Variants in RAPGEF5 observed in about 807,000 individuals in gnomAD.
RAPGEF5 encodes the protein Rap guanine nucleotide exchange factor 5.
RAPGEF5 carries 65 observed loss-of-function variants against 125.2 expected under a neutral mutation model. That is an observed-to-expected ratio of 0.52 (90% confidence interval 0.43 to 0.64). The LOEUF is 0.64. Among genes scored for constraint, RAPGEF5 ranks in the 30% least tolerant of loss-of-function variants. RAPGEF5 has a pLI of 0.00. For synonymous variants in RAPGEF5, 391 were observed against 385.9 expected (o/e 1.01, Z -0.16); for missense variants, 958 against 1,048.1 (o/e 0.91, Z 1.19).
intron 7 of RAPGEF5, among the ~76,000 whole-genome samples, chr7:22,239,187 G>A (rs1562776949): frequency 6.6e-6 from 1 of 152,128 alleles, no homozygotes; most frequent in Non-Finnish European, 1.5e-5. Flanking sequence ...CTGGGAGAGT[G>A]GAGGCAGGAG....
At chr7:22,193,687 C>T in intron 10 of RAPGEF5, 1 of 1,551,024 alleles carries the variant, frequency 6.4e-7, no homozygotes, top group Non-Finnish European at 8.7e-7. Context: ...ACAAAGGCAT[C>T]CCCTAAATGC....
intron 20 of RAPGEF5, among the ~76,000 whole-genome samples, chr7:22,140,587 T>C (rs770601687): frequency 7.9e-5 from 12 of 152,186 alleles, no homozygotes; most frequent in Non-Finnish European, 1.5e-4. Context: ...ACCAACAAAA[T>C]AGCTACTATA....
Position 22,118,687 on chromosome 7 carries a change from C to T in RAPGEF5, c.*3719G>A, listed in dbSNP as rs1782475894. 6.6e-6 allele frequency: 1 copy of T among 152,606 alleles called. No individual in the cohort carries two copies. Among genetic ancestry groups the T allele is most frequent in the Non-Finnish European group, 1.5e-5 (1 of 68,032 alleles). 9.5% of individuals were successfully genotyped at this position (152,606 alleles called of 1,614,324 possible). On this transcript the variant is annotated 3_prime_UTR_variant, in exon 26 of 26. Coordinates refer to ENST00000665637, the MANE Select transcript of RAPGEF5 (RefSeq NM_012294.5). ...TTAATGCAAGCTGACAATATCACAG[C>T]AGCCCTAATTAATGATACATTAAAA...
rs116360417 is a variant in RAPGEF5 at position 22,293,277 on chromosome 7, G to T, written c.681-2036C>A. On this transcript the variant is annotated intron_variant, in intron 5 of 25. Coordinates refer to ENST00000665637, the MANE Select transcript of RAPGEF5 (RefSeq NM_012294.5). The stretch of plus-strand genomic sequence containing the variant: ...CCAGGAACTTTATTTTCACCCACAT[G>T]GGTACCTTACAGGCTAACTCAACCT... Among the ~76,000 whole-genome samples, 1,420 of 152,192 alleles carry T rather than the reference G, an allele frequency of 9.3e-3. 36 individuals carry two copies. Among genetic ancestry groups the T allele is most frequent in the African/African-American group, 0.033 (1,355 of 41,510 alleles).
At chr7:22,354,894 T>G (rs1784393662) in intron 1 of RAPGEF5, among the ~76,000 whole-genome samples, 1 of 152,224 alleles carries the variant, frequency 6.6e-6, no homozygotes, top group African/African-American at 2.4e-5. Flanking sequence ...TCTACGGTAT[T>G]TTGTTATGAC....
At position 22,266,969 on chromosome 7, in the gene RAPGEF5, T is replaced by C; in HGVS notation, c.791A>G (p.Lys264Arg). The C allele has an allele frequency of 1.2e-6, 2 of 1,609,776 alleles. No individual in the cohort carries two copies. Among genetic ancestry groups the C allele is most frequent in the East Asian group, 4.5e-5 (2 of 44,790 alleles). The change falls in exon 7 of 26, where the codon AAG becomes AGG. Residue 264 changes from lysine to arginine, a missense_variant. Lys to Arg is a conservative substitution (Grantham distance 26). Coordinates refer to ENST00000665637, the MANE Select transcript of RAPGEF5 (RefSeq NM_012294.5). ...CCCCATAAAAGATGACTTACCAGAC[T>C]TCCTTGCTTTCAAAGCAATAACAGC... Reference protein sequence around the residue: ...LAAVIALKARKSAIEQDEENN... With the variant: ...LAAVIALKARRSAIEQDEENN...
At chr7:22,344,237 A>C (rs1343040100) in intron 1 of RAPGEF5, among the ~76,000 whole-genome samples, 1 of 152,042 alleles carries the variant, frequency 6.6e-6, no homozygotes. Context: ...CACCATGGCT[A>C]CACCTCCCAC....
chr7:22,290,699 C>T (rs577969673), intron 6 of RAPGEF5, among the ~76,000 whole-genome samples: 1 of 149,446 alleles, frequency 6.7e-6, no homozygotes, highest in East Asian at 2.0e-4. Context: ...GAGCCGAGAT[C>T]CCGCCGCTGC....
chr7:22,212,122 C>T (rs768416129), intron 9 of RAPGEF5, among the ~76,000 whole-genome samples: 4 of 152,048 alleles, frequency 2.6e-5, no homozygotes, highest in African/African-American at 7.2e-5. Flanking sequence ...TATAGGCACC[C>T]GCCAGCATGC....
intron 1 of RAPGEF5, 107 bp from the exon 2 acceptor site, chr7:22,318,144 A>AC (rs1783641261): frequency 1.7e-6 from 2 of 1,154,234 alleles, no homozygotes; most frequent in Non-Finnish European, 2.4e-6. Context: ...CTATGAAAAA[A>AC]AAAAAAAAAA....
At chr7:22,170,443 C>T (rs1784314999) in intron 11 of RAPGEF5, among the ~76,000 whole-genome samples, 1 of 152,156 alleles carries the variant, frequency 6.6e-6, no homozygotes, top group African/African-American at 2.4e-5. Flanking sequence ...GGTGACAGCA[C>T]TGAGAGGGAG....
intron 7 of RAPGEF5, among the ~76,000 whole-genome samples, chr7:22,234,273 A>C (rs1008579645): frequency 3.9e-5 from 6 of 152,204 alleles, no homozygotes; most frequent in African/African-American, 1.4e-4. Context: ...GGTGTGGCTC[A>C]TGTGGTGGGA....
chr7:22,274,754 T>G (rs1023982509), intron 6 of RAPGEF5, among the ~76,000 whole-genome samples: 1 of 152,184 alleles, frequency 6.6e-6, no homozygotes, highest in Non-Finnish European at 1.5e-5. Context: ...CATCACTGTC[T>G]CCTACTCAGG....
At chr7:22,302,948 T>A (rs1024736592) in intron 5 of RAPGEF5, among the ~76,000 whole-genome samples, 13 of 152,206 alleles carry the variant, frequency 8.5e-5, no homozygotes, top group Non-Finnish European at 1.9e-4. Context: ...TTAACTATTG[T>A]GTAAGTGGTA....
rs551127842 is a variant in RAPGEF5 at position 22,198,783 on chromosome 7, T to G, written c.997-4750A>C. On this transcript the variant is annotated intron_variant, in intron 9 of 25. Coordinates refer to ENST00000665637, the MANE Select transcript of RAPGEF5 (RefSeq NM_012294.5). Reference sequence around the variant, plus strand: ...GCTAAGGGCTGAAGATCCACTACTTTACCTAATCACTATAATGATCCTATG... The same window carrying G: ...GCTAAGGGCTGAAGATCCACTACTTGACCTAATCACTATAATGATCCTATG... Among the ~76,000 whole-genome samples the G allele has an allele frequency of 7.9e-5, 12 of 152,280 alleles. No individual in the cohort carries two copies. The South Asian group carries it at 2.1e-3, about 26-fold the overall frequency.
At chr7:22,182,396 C>CAA (rs1784702366) in intron 11 of RAPGEF5, among the ~76,000 whole-genome samples, 1 of 152,144 alleles carries the variant, frequency 6.6e-6, no homozygotes, top group Non-Finnish European at 1.5e-5. Context: ...ACTAGGTTGT[C>CAA]AAACCCACAA....
At chr7:22,217,246 TATAACAAG>T (rs1785660141) in intron 9 of RAPGEF5, among the ~76,000 whole-genome samples, 1 of 152,210 alleles carries the variant, frequency 6.6e-6, no homozygotes, top group Non-Finnish European at 1.5e-5. Context: ...TCATTATTGT[TATAACAAG>T]AAGAGGAAAC....
rs1473827051 is a variant in RAPGEF5, at chr7:22,162,487, C to T, written c.1338G>A (p.Arg446=). Residue 446 remains arginine, a synonymous_variant, in exon 13 of 26, where the codon AGG becomes AGA. Transcript: ENST00000665637. ...GKEENSDVPR[R]KRKVLHLVSQ... is the part of the protein sequence containing the mutation. ...AAACAAGATGCAAGACTTTACGTTT[C>T]CTACGCGGAACGTCTGAGTTTTCCT... The T allele has an allele frequency of 3.1e-6, 5 of 1,607,776 alleles. No homozygotes were observed. The highest frequency in any genetic ancestry group is 2.2e-5 in the East Asian group (1 of 44,844).
chr7:22,352,215 T>C (rs1784343315), intron 1 of RAPGEF5, among the ~76,000 whole-genome samples: 1 of 152,180 alleles, frequency 6.6e-6, no homozygotes, highest in Non-Finnish European at 1.5e-5. Context: ...AGTCCCAGCA[T>C]TTTGACAGTA....
Sources: allele counts gnomAD v4.1 joint callset (sites outside exome capture counted in the v4.1 genomes callset), GRCh38; gene constraint gnomAD v4.1.1; transcripts MANE v1.5; gene names NCBI Gene and HGNC (gene_info 2026-07-23, HGNC 2026-07-21).